TRPA1: variants seen among roughly 807,000 people sequenced by gnomAD.
TRPA1 encodes the protein transient receptor potential cation channel subfamily A member 1.
TRPA1 carries 129 observed loss-of-function variants against 131.3 expected under a neutral mutation model. The ratio of observed to expected loss-of-function variants is 0.98; its 90% CI spans 0.85 to 1.14. The LOEUF (loss-of-function observed/expected upper bound fraction) is 1.14, where lower values mean the gene tolerates loss of function less well. TRPA1 is among the 50% of genes most tolerant of loss of function. The pLI, the probability that TRPA1 is intolerant of heterozygous loss-of-function variation, is 0.00. For synonymous variants in TRPA1, 441 were observed against 451.7 expected (o/e 0.98, Z 0.30); for missense variants, 1,304 against 1,354.2 (o/e 0.96, Z 0.58).
At chr8:72,071,659 T>C in intron 2 of TRPA1, 52 bp downstream of exon 2, 5 of 1,578,370 alleles carry the variant, frequency 3.2e-6, no homozygotes. Context: ...TCTTTCTAGT[T>C]AATTGAATGG....
At chr8:72,032,111 G>T (rs909535123) in intron 23 of TRPA1, among the ~76,000 whole-genome samples, 11 of 152,184 alleles carry the variant, frequency 7.2e-5, no homozygotes, top group Non-Finnish European at 1.5e-4. Context: ...GTAAATCCTG[G>T]GAACAGTGAG....
intron 25 of TRPA1, 84 bp from the exon 26 acceptor site, chr8:72,023,995 C>T: frequency 3.4e-6 from 3 of 887,950 alleles, no homozygotes; most frequent in Non-Finnish European, 3.8e-6. Flanking sequence ...TCAACCACCA[C>T]TGGTACCAAT....
At chr8:72,079,858 T>G (rs1003524603), upstream of TRPA1, among the ~76,000 whole-genome samples, 2 of 151,964 alleles carry the variant, frequency 1.3e-5, no homozygotes, top group Non-Finnish European at 2.9e-5. Flanking sequence ...TAGTTTTCTA[T>G]GTACAGTTCA....
chr8:72,069,018 C>A lies in TRPA1; in HGVS notation c.444+5G>T, dbSNP rs564619453. 1.4e-4 allele frequency: 234 copies of A among 1,614,218 alleles called. 1 individual carries two copies. In the Middle Eastern group the frequency reaches 1.8e-3, roughly 13 times the overall value. ...AGGCCCTTTGGAGCCGGCCAGTAGC[C>A]TTACCTTCATCACCTCATTATTCAT... is the stretch of plus-strand genomic sequence containing the variant. On this transcript the variant is annotated splice_donor_5th_base_variant and intron_variant, in intron 3 of 26. Transcript: ENST00000262209.
Position 72,052,617 on chromosome 8 carries a change from G to T in TRPA1, c.1793C>A (p.Thr598Lys). The T allele has an allele frequency of 1.2e-6, 2 of 1,613,426 alleles. No individual in the cohort carries two copies. Among genetic ancestry groups the T allele is most frequent in the Non-Finnish European group, 1.7e-6 (2 of 1,179,634 alleles). ...LHNKRKEVVLTIIRSKRWDEC... is the reference protein window; with the variant it reads ...LHNKRKEVVLKIIRSKRWDEC... ...AGTGTACCTTTTGCTCCTGATGATCGTAAGAACAACCTCCTTCCTCTTATT... is the reference window on the plus strand; with the variant it reads ...AGTGTACCTTTTGCTCCTGATGATCTTAAGAACAACCTCCTTCCTCTTATT... Residue 598 changes from threonine (T) to lysine (K), a missense_variant, in exon 14 of 27, where the codon ACG (threonine) becomes AAG (lysine). Physicochemically the swap from Thr to Lys is moderately conservative, Grantham distance 78 (BLOSUM62 -1). Coordinates refer to ENST00000262209, the MANE Select transcript of TRPA1 (RefSeq NM_007332.3).
chr8:72,058,512 T>A (rs1005478186), intron 8 of TRPA1, among the ~76,000 whole-genome samples: 7 of 152,170 alleles, frequency 4.6e-5, no homozygotes, highest in African/African-American at 1.7e-4. Context: ...AACGTGAATA[T>A]TTCTTTGTTC....
Position 72,075,478 on chromosome 8 carries a change from G to C in TRPA1, c.-69C>G. 7.6e-7 allele frequency: 1 copy of C among 1,310,406 alleles called. No homozygotes were observed. The highest frequency in any genetic ancestry group is 1.1e-6 in the Non-Finnish European group (1 of 916,594). The allele number at this position is 1,310,406 out of a possible 1,614,324, so 81.2% of individuals were successfully genotyped here. On this transcript the variant is annotated 5_prime_UTR_variant, in exon 1 of 27. Coordinates refer to ENST00000262209, the MANE Select transcript of TRPA1 (RefSeq NM_007332.3). ...GCGCGGGCACCTGGGGCGAGAGAGC[G>C]CTGTCAGCCTGCCAGGCGCTGGGGT... is the stretch of plus-strand genomic sequence containing the variant.
At chr8:72,055,979 T>G in intron 10 of TRPA1, 124 bp from the exon 11 acceptor site, 1 of 749,484 alleles carries the variant, frequency 1.3e-6, no homozygotes. Context: ...GGGCCAAAAT[T>G]GTAAATAACC....
At chr8:72,058,975 G>A (rs1192473243) in intron 8 of TRPA1, among the ~76,000 whole-genome samples, 2 of 152,134 alleles carry the variant, frequency 1.3e-5, no homozygotes, top group East Asian at 3.9e-4. Context: ...AGTTTTTAAA[G>A]GTGGCACTGA....
chr8:72,023,972 C>T, intron 25 of TRPA1, 61 bp from the exon 26 acceptor site: 1 of 1,167,452 alleles, frequency 8.6e-7, no homozygotes, highest in South Asian at 1.2e-5. Flanking sequence ...TTTTCTTAAG[C>T]ATGTGCCAAA....
chr8:72,083,101 T>C, the TRPA1 span, among the ~76,000 whole-genome samples: 3 of 152,140 alleles, frequency 2.0e-5, no homozygotes, highest in African/African-American at 7.2e-5. Context: ...ATTTATATTA[T>C]TGTCTTTTCA....
intron 3 of TRPA1, 35 bp downstream of exon 3, chr8:72,068,988 C>T (rs369843031): frequency 1.3e-4 from 203 of 1,613,118 alleles, no homozygotes; most frequent in Non-Finnish European, 1.5e-4. Context: ...CCTGCACCGC[C>T]GGTCAGGCCC....
At chr8:72,085,870 C>T in the TRPA1 span, among the ~76,000 whole-genome samples, 1 of 151,706 alleles carries the variant, frequency 6.6e-6, no homozygotes, top group African/African-American at 2.4e-5. Flanking sequence ...TTGTTTTAAC[C>T]TTTACTGATT....
In TRPA1 at chr8:72,075,563, G is replaced by T. The variant is rs946485175; in HGVS notation, c.-154C>A. On this transcript the variant is annotated 5_prime_UTR_variant, in exon 1 of 27. Transcript: ENST00000262209. The stretch of plus-strand genomic sequence containing the variant: ...ACAGGCAGCGAAAAAGTCGCTCTGC[G>T]GAAGCCCTGGAGAACTTCTGGAAGG... 1 of 673,726 alleles carries T rather than the reference G, an allele frequency of 1.5e-6. No individual in the cohort carries two copies. The allele number at this position is 673,726 out of a possible 1,614,324, so 41.7% of individuals were successfully genotyped here. A position where few individuals can be genotyped will look rare whatever the true frequency, so the allele number is the denominator to read the frequency against.
intron 23 of TRPA1, among the ~76,000 whole-genome samples, chr8:72,030,753 A>C (rs1811784527): frequency 6.6e-6 from 1 of 152,234 alleles, no homozygotes; most frequent in Non-Finnish European, 1.5e-5. Context: ...AACTGAGAGA[A>C]TGATACATTT....
chr8:72,066,522 G>A (rs992576616), intron 3 of TRPA1, among the ~76,000 whole-genome samples: 1 of 152,158 alleles, frequency 6.6e-6, no homozygotes, highest in Non-Finnish European at 1.5e-5. Context: ...TTAACAGAAC[G>A]TATCCCTTGT....
At chr8:72,080,058 T>A (rs1806259836), upstream of TRPA1, among the ~76,000 whole-genome samples, 2 of 151,928 alleles carry the variant, frequency 1.3e-5, no homozygotes, top group Admixed American at 1.3e-4. Flanking sequence ...TTTAAGAGAC[T>A]TTTTAGAATC....
At chr8:72,072,324 T>G (rs1247866940) in intron 1 of TRPA1, among the ~76,000 whole-genome samples, 1 of 152,216 alleles carries the variant, frequency 6.6e-6, no homozygotes, top group Non-Finnish European at 1.5e-5. Context: ...TTAAGGTATT[T>G]AATGTATCCT....
At chr8:72,079,027 A>G (rs1262019788), upstream of TRPA1, among the ~76,000 whole-genome samples, 1 of 151,950 alleles carries the variant, frequency 6.6e-6, no homozygotes, top group Non-Finnish European at 1.5e-5. Context: ...AGCATGTCTT[A>G]TTATTCACTC....
Sources: gnomAD v4.1 joint callset for allele counts (sites outside exome capture counted in the v4.1 genomes callset) on GRCh38, gnomAD v4.1.1 for gene constraint, MANE v1.5 for transcripts, NCBI Gene and HGNC (gene_info 2026-07-23, HGNC 2026-07-21) for gene names.